Variants in ZDHHC14 observed in about 807,000 individuals in gnomAD.
ZDHHC14 encodes palmitoyltransferase ZDHHC14.
ZDHHC14 carries 16 observed loss-of-function variants against 47.7 expected under a neutral mutation model. The observed-to-expected ratio is 0.34, with a 90% confidence interval of 0.23 to 0.51. The LOEUF (loss-of-function observed/expected upper bound fraction) is 0.51, where lower values mean the gene tolerates loss of function less well. Ranked by LOEUF, ZDHHC14 falls within the 20% of genes least tolerant of loss-of-function variation. ZDHHC14 has a pLI of 0.97. For missense variants in ZDHHC14, 515 were observed against 662.5 expected (o/e 0.78, Z 2.44); for synonymous variants, 293 against 278.9 (o/e 1.05, Z -0.50).
At chr6:157,484,678 A>G (rs1331234695) in intron 1 of ZDHHC14, among the ~76,000 whole-genome samples, 1 of 151,870 alleles carries the variant, frequency 6.6e-6, no homozygotes, top group Non-Finnish European at 1.5e-5. Flanking sequence ...CACTGCAATT[A>G]CCATGGGCGA....
At chr6:157,493,554 C>A (rs1170918774) in intron 1 of ZDHHC14, among the ~76,000 whole-genome samples, 1 of 152,216 alleles carries the variant, frequency 6.6e-6, no homozygotes, top group East Asian at 1.9e-4. Flanking sequence ...AATAGGGGAG[C>A]CCTCCCAACC....
intron 7 of ZDHHC14, 45 bp from the exon 8 acceptor site, chr6:157,653,480 C>T: frequency 3.7e-6 from 6 of 1,604,354 alleles, no homozygotes; most frequent in Non-Finnish European, 5.1e-6. Context: ...GCATCTCTGG[C>T]TTTTTATTCA....
intron 1 of ZDHHC14, among the ~76,000 whole-genome samples, chr6:157,417,851 G>A (rs1184951006): frequency 3.3e-5 from 5 of 152,034 alleles, no homozygotes; most frequent in African/African-American, 1.2e-4. Flanking sequence ...GTATTCAGGA[G>A]GCTGAGGCAG....
At chr6:157,421,943 G>C (rs1011989846) in intron 1 of ZDHHC14, among the ~76,000 whole-genome samples, 3 of 152,202 alleles carry the variant, frequency 2.0e-5, no homozygotes, top group African/African-American at 7.2e-5. Context: ...TTCATCTGAA[G>C]ATGCATTCAT....
intron 1 of ZDHHC14, among the ~76,000 whole-genome samples, chr6:157,397,215 G>A (rs1777539003): frequency 6.6e-6 from 1 of 152,234 alleles, no homozygotes. Flanking sequence ...AATAAATGGA[G>A]AGTTGTTCTC....
At chr6:157,592,376 C>T (rs1035830947) in intron 2 of ZDHHC14, among the ~76,000 whole-genome samples, 3 of 152,084 alleles carry the variant, frequency 2.0e-5, no homozygotes, top group African/African-American at 7.2e-5. Flanking sequence ...GTATTTTTTA[C>T]AATCTGGTTT....
intron 2 of ZDHHC14, among the ~76,000 whole-genome samples, chr6:157,571,671 T>C (rs1783101697): frequency 6.6e-6 from 1 of 152,120 alleles, no homozygotes; most frequent in Non-Finnish European, 1.5e-5. Flanking sequence ...GTTACTTGTA[T>C]GGTGTACAAA....
chr6:157,577,517 G>A (rs1047562613), intron 2 of ZDHHC14, among the ~76,000 whole-genome samples: 14 of 152,040 alleles, frequency 9.2e-5, no homozygotes, highest in African/African-American at 3.4e-4. Context: ...CCTTTTCTTG[G>A]CAACCTCTCC....
chr6:157,578,011 T>C (rs1783370125), intron 2 of ZDHHC14, among the ~76,000 whole-genome samples: 1 of 152,070 alleles, frequency 6.6e-6, no homozygotes, highest in South Asian at 2.1e-4. Context: ...AAAGTGTCTG[T>C]TCATGTCCTT....
chr6:157,385,631 C>T (rs1777294828), intron 1 of ZDHHC14, among the ~76,000 whole-genome samples: 1 of 152,226 alleles, frequency 6.6e-6, no homozygotes, highest in South Asian at 2.1e-4. Flanking sequence ...GGTGTTGATA[C>T]AGTCTTTAGC....
intron 3 of ZDHHC14, among the ~76,000 whole-genome samples, chr6:157,609,342 G>A (rs903631552): frequency 6.6e-6 from 1 of 152,196 alleles, no homozygotes; most frequent in African/African-American, 2.4e-5. Context: ...AGAAGGAGCC[G>A]AGGGCAGCTT....
At chr6:157,643,602 C>G (rs1396329250) in intron 5 of ZDHHC14, among the ~76,000 whole-genome samples, 1 of 141,704 alleles carries the variant, frequency 7.1e-6, no homozygotes, top group African/African-American at 2.6e-5. Context: ...GAGCTGAGAT[C>G]ATGCCACTGT....
chr6:157,410,111 C>T (rs1777845223), intron 1 of ZDHHC14, among the ~76,000 whole-genome samples: 3 of 152,144 alleles, frequency 2.0e-5, no homozygotes, highest in Admixed American at 2.0e-4. Context: ...CATTCCAGTA[C>T]CTGTTGGTCA....
At chr6:157,634,992 CTT>C (rs112627001) in intron 5 of ZDHHC14, among the ~76,000 whole-genome samples, 4 of 145,374 alleles carry the variant, frequency 2.8e-5, no homozygotes, top group African/African-American at 5.0e-5. Context: ...GCTACCTGGT[CTT>C]TTTTTTTTTT....
At chr6:157,390,770 T>TC (rs1442328996) in intron 1 of ZDHHC14, among the ~76,000 whole-genome samples, 12 of 152,342 alleles carry the variant, frequency 7.9e-5, no homozygotes, top group Admixed American at 2.6e-4. Context: ...CTCCATCTGT[T>TC]CATGGTTGTG....
intron 1 of ZDHHC14, among the ~76,000 whole-genome samples, chr6:157,392,395 T>C (rs1027134705): frequency 1.2e-4 from 19 of 152,216 alleles, no homozygotes; most frequent in African/African-American, 4.6e-4. Context: ...TGTAATACTT[T>C]GTGCTTTGAA....
chr6:157,516,646 A>G (rs1207568628), intron 1 of ZDHHC14, among the ~76,000 whole-genome samples: 1 of 152,248 alleles, frequency 6.6e-6, no homozygotes, highest in Non-Finnish European at 1.5e-5. Context: ...TCACCATTGC[A>G]GTATCCCAAG....
At chr6:157,397,002 G>A (rs1777535251) in intron 1 of ZDHHC14, among the ~76,000 whole-genome samples, 1 of 152,150 alleles carries the variant, frequency 6.6e-6, no homozygotes, top group South Asian at 2.1e-4. Context: ...TCTTGGCTTC[G>A]GATGGTGAGA....
At chr6:157,517,579 G>C (rs1780742081) in intron 1 of ZDHHC14, among the ~76,000 whole-genome samples, 1 of 152,136 alleles carries the variant, frequency 6.6e-6, no homozygotes, top group Non-Finnish European at 1.5e-5. Flanking sequence ...CCAAAGTGCT[G>C]GGATTACAGG....
Sources: allele counts gnomAD v4.1 joint callset (sites outside exome capture counted in the v4.1 genomes callset), GRCh38; gene constraint gnomAD v4.1.1; transcripts MANE v1.5; gene names NCBI Gene and HGNC (gene_info 2026-07-23, HGNC 2026-07-21).